Variants in MFSD8 observed in about 807,000 individuals in gnomAD.
MFSD8 encodes major facilitator superfamily domain containing 8.
A neutral mutation model predicts 66.4 loss-of-function variants in MFSD8; 55 were observed. The observed-to-expected ratio is 0.83, with a 90% CI of 0.67 to 1.04. MFSD8 has a LOEUF of 1.04. MFSD8 is among the 50% of genes least tolerant of loss of function. MFSD8 has a pLI of 0.00. For synonymous variants in MFSD8, 202 were observed against 212.8 expected (o/e 0.95, Z 0.44); for missense variants, 550 against 627.6 (o/e 0.88, Z 1.32).
intron 4 of MFSD8, chr4:127,943,431 G>C (rs2148920427): frequency 3.9e-6 from 1 of 254,186 alleles, no homozygotes; most frequent in African/African-American, 2.3e-5. Context: ...TGTTACCCAG[G>C]CTGGCCTCGA....
intron 7 of MFSD8, among the ~76,000 whole-genome samples, 171 bp downstream of exon 7, chr4:127,938,607 ATAAAT>A (rs1560745073): frequency 5.6e-5 from 8 of 142,526 alleles, no homozygotes; most frequent in African/African-American, 2.1e-4. Context: ...AAATAAATAA[ATAAAT>A]AAATAAATAA....
chr4:127,949,481 T>C (rs1741588879), intron 3 of MFSD8, among the ~76,000 whole-genome samples: 1 of 152,248 alleles, frequency 6.6e-6, no homozygotes, highest in Non-Finnish European at 1.5e-5. Context: ...ATTACTAGTT[T>C]CCTTTTTATT....
chr4:127,928,622 A>T (rs2148866281), intron 9 of MFSD8, among the ~76,000 whole-genome samples: 1 of 152,334 alleles, frequency 6.6e-6, no homozygotes, highest in Non-Finnish European at 1.5e-5. Flanking sequence ...GAGAAAGGGG[A>T]ACCCTTGTAT....
In MFSD8 at chr4:127,928,444, A is replaced by T. The variant is rs554789200; in HGVS notation, c.998+2239T>A. 3.9e-5 allele frequency among the ~76,000 whole-genome samples: 6 copies of T among 152,300 alleles called. No homozygotes were observed. The South Asian group carries it at 1.2e-3, about 32-fold the overall frequency. On this transcript the variant is annotated intron_variant, in intron 9 of 11. Coordinates refer to ENST00000641686, the MANE Select transcript of MFSD8 (RefSeq NM_001371596.2). ...CTCAAAATGATTCTTTTAAACAGTG[A>T]ATAGACATTCTCAAAAGACATATAA...
chr4:127,936,948 G>T (rs4535346), intron 7 of MFSD8, among the ~76,000 whole-genome samples: 11,994 of 151,922 alleles, frequency 0.079, 932 homozygotes, highest in East Asian at 0.24. Context: ...AACTTCCTCC[G>T]TCACTTTACC....
intron 1 of MFSD8, among the ~76,000 whole-genome samples, chr4:127,962,329 TG>T (rs1359983900): frequency 1.3e-5 from 2 of 152,072 alleles, no homozygotes; most frequent in African/African-American, 4.8e-5. Flanking sequence ...TAGCCGTGTC[TG>T]GTGGCCCACG....
At chr4:127,946,884 G>A (rs1029189878) in intron 3 of MFSD8, among the ~76,000 whole-genome samples, 2 of 151,060 alleles carry the variant, frequency 1.3e-5, no homozygotes, top group African/African-American at 2.4e-5. Flanking sequence ...CACTGACCTC[G>A]AGCCTGGGTG....
chr4:127,959,192 A>G (rs1743348794), intron 1 of MFSD8, among the ~76,000 whole-genome samples: 1 of 152,228 alleles, frequency 6.6e-6, no homozygotes, highest in African/African-American at 2.4e-5. Context: ...ATGTTTGACC[A>G]GGATCTATTT....
rs557451270 is a variant in MFSD8, at chr4:127,938,808, C to A, written c.729G>T (p.Gln243His). 6.2e-7 allele frequency: 1 copy of A among 1,610,310 alleles called. No homozygotes were observed. The highest frequency in any genetic ancestry group is 1.1e-5 in the South Asian group (1 of 90,844). The change falls in exon 7 of 12, where the codon CAG (glutamine) becomes CAT (histidine). Residue 243 changes from glutamine (Q) to histidine (H), a missense_variant. Physicochemically the swap from Gln to His is conservative, Grantham distance 24 (BLOSUM62 0). Transcript: ENST00000641686. Reference sequence around the variant, plus strand: ...CTTCTTCAAAATTAATACTTTTACACTGTCTTCCTGAGTCATCCACACGAT... The same window carrying A: ...CTTCTTCAAAATTAATACTTTTACAATGTCTTCCTGAGTCATCCACACGAT... The part of the protein sequence containing the change: ...REHRVDDSGR[Q>H]CKSINFEEAS...
chr4:127,949,678 A>G, intron 3 of MFSD8, 126 bp downstream of exon 3: 1 of 799,422 alleles, frequency 1.3e-6, no homozygotes, highest in Non-Finnish European at 2.0e-6. Flanking sequence ...TTAAGGAACT[A>G]TTATCTCATT....
chr4:127,930,768 C>A lies in MFSD8; in HGVS notation c.913G>T (p.Ala305Ser). Residue 305 changes from alanine (A) to serine (S), a missense_variant, in exon 9 of 12, where the codon GCT (alanine) becomes TCT (serine). By Grantham distance (99) the Ala-to-Ser change is moderately conservative (BLOSUM62 1). Transcript: ENST00000641686. ...AGTATTATGCCATTATATAACACAG[C>A]TTGTTCTTGAGTCCAGGCATACATA... ...MDMYAWTQEQ[A>S]VLYNGIILAA... 1 of 1,612,758 alleles carries A rather than the reference C, an allele frequency of 6.2e-7. No individual in the cohort carries two copies. Among genetic ancestry groups the A allele is most frequent in the South Asian group, 1.1e-5 (1 of 90,660 alleles).
intron 7 of MFSD8, chr4:127,934,572 TA>T (rs961320483): frequency 3.4e-5 from 5 of 147,942 alleles, no homozygotes; most frequent in South Asian, 2.1e-4. Context: ...ATAAGCCAGG[TA>T]TTTTTTTTTT....
At chr4:127,927,260 C>G (rs1737365630) in intron 9 of MFSD8, among the ~76,000 whole-genome samples, 1 of 152,054 alleles carries the variant, frequency 6.6e-6, no homozygotes, top group Admixed American at 6.6e-5. Context: ...ATTGCAACCT[C>G]CACCTCCTGG....
chr4:127,965,725 G>C (rs778370354), upstream of MFSD8: 17 of 168,232 alleles, frequency 1.0e-4, no homozygotes, highest in Non-Finnish European at 2.2e-4. Context: ...GAGACTCGCG[G>C]GTCAGGGACG....
rs1332914901 is a variant in MFSD8 at position 127,921,598 on chromosome 4, T to C, written c.1276A>G (p.Ile426Val). 1.2e-6 allele frequency: 2 copies of C among 1,614,190 alleles called. No individual in the cohort carries two copies. The highest frequency in any genetic ancestry group is 1.1e-5 in the South Asian group (1 of 91,086). The change falls in exon 11 of 12, where the codon ATA becomes GTA. Residue 426 changes from isoleucine to valine, a missense_variant. By Grantham distance (29) the Ile-to-Val change is conservative. Transcript: ENST00000641686. ...LAQFLTSAVL[I>V]GLGYPVCNLM... Reference sequence around the variant, plus strand: ...TTGCAGACTGGATAGCCTAATCCTATTAGCACAGCTGATGTAAGGAACTGG... The same window carrying C: ...TTGCAGACTGGATAGCCTAATCCTACTAGCACAGCTGATGTAAGGAACTGG...
intron 2 of MFSD8, among the ~76,000 whole-genome samples, chr4:127,956,515 AG>A (rs893539575): frequency 2.0e-5 from 3 of 150,242 alleles, no homozygotes; most frequent in Admixed American, 6.7e-5. Flanking sequence ...AAAAAAAAAA[AG>A]AAAAAAGATG....
chr4:127,934,267 T>C (rs1325044065), intron 7 of MFSD8, among the ~76,000 whole-genome samples: 2 of 151,950 alleles, frequency 1.3e-5, no homozygotes, highest in Admixed American at 1.3e-4. Context: ...AACAAGAAAT[T>C]AGTATTCGTA....
chr4:127,938,257 T>C (rs1383070309), intron 7 of MFSD8, among the ~76,000 whole-genome samples: 4 of 152,128 alleles, frequency 2.6e-5, no homozygotes, highest in Admixed American at 6.5e-5. Flanking sequence ...TTTGTAACCT[T>C]GTCAATCATG....
intron 9 of MFSD8, 84 bp downstream of exon 9, chr4:127,930,598 TC>T: frequency 7.0e-7 from 1 of 1,430,228 alleles, no homozygotes; most frequent in Non-Finnish European, 9.7e-7. Context: ...TAAATTATTT[TC>T]CTGGTATATC....
Sources: allele counts gnomAD v4.1 joint callset (sites outside exome capture counted in the v4.1 genomes callset), GRCh38; gene constraint gnomAD v4.1.1; transcripts MANE v1.5; gene names NCBI Gene and HGNC (gene_info 2026-07-23, HGNC 2026-07-21).